Variants in TNRC6A observed in about 807,000 individuals in gnomAD.
The protein encoded by TNRC6A is trinucleotide repeat-containing gene 6A protein.
Under a neutral mutation model 221.2 loss-of-function variants are expected in TNRC6A, and 44 were observed. The observed-to-expected ratio is 0.20, with a 90% CI of 0.16 to 0.26. The LOEUF is 0.26. Among genes scored for constraint, TNRC6A ranks in the 10% least tolerant of loss-of-function variants. TNRC6A has a pLI of 1.00. For missense variants in TNRC6A, 2,199 were observed against 2,404.4 expected (o/e 0.91, Z 1.79); for synonymous variants, 847 against 838.5 (o/e 1.01, Z -0.18).
chr16:24,783,750 A>G (rs761608060), intron 5 of TNRC6A, among the ~76,000 whole-genome samples: 6 of 152,084 alleles, frequency 3.9e-5, no homozygotes, highest in Non-Finnish European at 8.8e-5. Context: ...GAGATTAACT[A>G]TTTCTCATTA....
At chr16:24,674,295 T>C (rs2055363817) in intron 2 of TNRC6A, among the ~76,000 whole-genome samples, 1 of 152,066 alleles carries the variant, frequency 6.6e-6, no homozygotes, top group African/African-American at 2.4e-5. Flanking sequence ...CTCAGTTAAA[T>C]TAAGTTTAAA....
chr16:24,713,447 AAC>A (rs1481195823), intron 2 of TNRC6A, among the ~76,000 whole-genome samples: 14 of 79,024 alleles, frequency 1.8e-4, no homozygotes, highest in African/African-American at 5.6e-4. Flanking sequence ...CAAACAAACA[AAC>A]AAAAAAATAT....
intron 5 of TNRC6A, among the ~76,000 whole-genome samples, chr16:24,785,175 G>A (rs1319627639): frequency 1.3e-5 from 2 of 152,196 alleles, no homozygotes; most frequent in East Asian, 3.9e-4. Context: ...ATGCAGTGCT[G>A]TTCAACTATT....
At chr16:24,672,534 T>C (rs1389145727) in intron 2 of TNRC6A, among the ~76,000 whole-genome samples, 1 of 152,042 alleles carries the variant, frequency 6.6e-6, no homozygotes, top group Non-Finnish European at 1.5e-5. Flanking sequence ...CTCAACCTCC[T>C]GGGCTCAGGC....
intron 2 of TNRC6A, among the ~76,000 whole-genome samples, chr16:24,731,800 G>C (rs1303332405): frequency 6.6e-6 from 1 of 152,210 alleles, no homozygotes; most frequent in Admixed American, 6.5e-5. Context: ...CTATTTATCA[G>C]AGTTTGAATT....
intron 1 of TNRC6A, among the ~76,000 whole-genome samples, chr16:24,614,265 T>C (rs1464932734): frequency 6.6e-6 from 1 of 152,230 alleles, no homozygotes. Context: ...TTTGCTTGCA[T>C]CGTGTTTGCG....
In TNRC6A at chr16:24,753,549, A is replaced by G. The variant is rs563872166; in HGVS notation, c.141+2736A>G. Among the ~76,000 whole-genome samples the G allele has an allele frequency of 1.0e-3, 154 of 152,316 alleles. No homozygotes were observed. In the Middle Eastern group the frequency reaches 0.02, roughly 20 times the overall value. ...GTGAGGACAGCTGGTATTTCCATAG[A>G]GTGTTACCAGATAGCTCTTGAAAAG... On this transcript the variant is annotated intron_variant, in intron 3 of 24. Coordinates refer to ENST00000395799, the MANE Select transcript of TNRC6A (RefSeq NM_014494.4).
intron 4 of TNRC6A, among the ~76,000 whole-genome samples, chr16:24,772,725 G>C (rs1407186605): frequency 1.3e-5 from 2 of 152,094 alleles, no homozygotes; most frequent in African/African-American, 4.8e-5. Flanking sequence ...GGAGGTTGCA[G>C]TAAGCCAAGA....
intron 2 of TNRC6A, chr16:24,662,016 G>A (rs1026825759): frequency 6.6e-6 from 1 of 152,100 alleles, no homozygotes; most frequent in Non-Finnish European, 1.5e-5. Flanking sequence ...AGCTATGATT[G>A]CACCACTGCA....
At chr16:24,765,893 A>G (rs1406053623) in intron 4 of TNRC6A, among the ~76,000 whole-genome samples, 3 of 152,208 alleles carry the variant, frequency 2.0e-5, no homozygotes, top group South Asian at 2.1e-4. Context: ...CAGGGAGGCT[A>G]TGAAGAATGC....
chr16:24,763,220 G>A (rs879879713), intron 4 of TNRC6A, among the ~76,000 whole-genome samples: 9 of 151,400 alleles, frequency 5.9e-5, no homozygotes, highest in Non-Finnish European at 1.2e-4. Context: ...ACTAAATTAC[G>A]TTCAAAGTGT....
chr16:24,762,326 A>G (rs1034987576), intron 4 of TNRC6A, among the ~76,000 whole-genome samples: 1 of 152,208 alleles, frequency 6.6e-6, no homozygotes, highest in Non-Finnish European at 1.5e-5. Flanking sequence ...AATATTCACT[A>G]TCTATTAAGT....
At chr16:24,638,849 T>A (rs1040436013) in intron 1 of TNRC6A, among the ~76,000 whole-genome samples, 1 of 152,226 alleles carries the variant, frequency 6.6e-6, no homozygotes, top group Non-Finnish European at 1.5e-5. Flanking sequence ...ATTTTCCTGT[T>A]TTAAAAAATC....
At chr16:24,659,079 G>A (rs1212247944) in intron 2 of TNRC6A, among the ~76,000 whole-genome samples, 1 of 146,912 alleles carries the variant, frequency 6.8e-6, no homozygotes, top group African/African-American at 2.7e-5. Context: ...AAAGTGCTGG[G>A]ATTACAGGCA....
At chr16:24,758,453 G>C in intron 4 of TNRC6A, 93 bp downstream of exon 4, 1 of 1,324,438 alleles carries the variant, frequency 7.6e-7, no homozygotes, top group Non-Finnish European at 1.1e-6. Flanking sequence ...GGAGAGAGAA[G>C]AGCATGAAAG....
At chr16:24,650,162 C>A (rs1902559445) in intron 2 of TNRC6A, among the ~76,000 whole-genome samples, 1 of 152,012 alleles carries the variant, frequency 6.6e-6, no homozygotes, top group Non-Finnish European at 1.5e-5. Flanking sequence ...ATAGCACTAA[C>A]ATTTGCATCT....
At chr16:24,712,891 C>A (rs1455637163) in intron 2 of TNRC6A, among the ~76,000 whole-genome samples, 1 of 145,906 alleles carries the variant, frequency 6.9e-6, no homozygotes, top group Admixed American at 7.0e-5. Context: ...GAATTTGGGG[C>A]CATAGTTATG....
At chr16:24,704,380 T>C (rs2056050177) in intron 2 of TNRC6A, among the ~76,000 whole-genome samples, 1 of 151,974 alleles carries the variant, frequency 6.6e-6, no homozygotes, top group Admixed American at 6.6e-5. Flanking sequence ...AAAATGCTTT[T>C]GAAAATTATA....
At chr16:24,817,845 A>T (rs1203056607) in intron 20 of TNRC6A, among the ~76,000 whole-genome samples, 1 of 152,194 alleles carries the variant, frequency 6.6e-6, no homozygotes, top group Non-Finnish European at 1.5e-5. Flanking sequence ...CTATGGGAAC[A>T]CTAAGCCAAG....
Sources: gnomAD v4.1 joint callset for allele counts (sites outside exome capture counted in the v4.1 genomes callset) on GRCh38, gnomAD v4.1.1 for gene constraint, MANE v1.5 for transcripts, NCBI Gene and HGNC (gene_info 2026-07-23, HGNC 2026-07-21) for gene names.